The following CATSPERD variants were observed in gnomAD, a reference collection of about 807,000 sequenced individuals.
The protein encoded by CATSPERD is catsper channel auxiliary subunit delta.
In CATSPERD, 86 loss-of-function variants were observed where a neutral mutation model predicts 98.1. The ratio of observed to expected loss-of-function variants is 0.88; its 90% CI spans 0.74 to 1.05. The LOEUF is 1.05. Ranked by LOEUF, CATSPERD falls within the 50% of genes least tolerant of loss-of-function variation. The pLI is 0.00. For missense variants in CATSPERD, 995 were observed against 1,005.7 expected (o/e 0.99, Z 0.14); for synonymous variants, 394 against 390.2 (o/e 1.01, Z -0.12).
chr19:5,724,660 C>A lies in CATSPERD; in HGVS notation c.72-148C>A, dbSNP rs2055569196. ...GTTGCAGTGAGCCAAGATCTTGCCA[C>A]TGCACTCCAGCCTGGGCGACAGAGT... is the stretch of plus-strand genomic sequence containing the variant. On this transcript the variant is annotated intron_variant, in intron 1 of 21. Coordinates refer to ENST00000381624, the MANE Select transcript of CATSPERD (RefSeq NM_152784.4). The A allele has an allele frequency of 4.1e-6, 3 of 727,566 alleles. No individual in the cohort carries two copies. The East Asian group carries it at 8.3e-5, about 20-fold the overall frequency. The allele number at this position is 727,566 out of a possible 1,614,324, so 45.1% of individuals were successfully genotyped here. A position where few individuals can be genotyped will look rare whatever the true frequency, so the allele number is the denominator to read the frequency against.
At chr19:5,724,940 T>C (rs1599502730) in intron 2 of CATSPERD, 78 bp downstream of exon 2, 1 of 1,350,298 alleles carries the variant, frequency 7.4e-7, no homozygotes, top group East Asian at 2.3e-5. Context: ...CTGGTATTTC[T>C]TGGGTGCCCG....
At chr19:5,752,582 G>A (rs193199921) in intron 12 of CATSPERD, among the ~76,000 whole-genome samples, 358 of 152,200 alleles carry the variant, frequency 2.4e-3, no homozygotes, top group African/African-American at 8.4e-3. Context: ...CTGCCAACAC[G>A]ATCAAACTCA....
At chr19:5,721,424 C>T (rs2055473148) in intron 1 of CATSPERD, among the ~76,000 whole-genome samples, 1 of 152,120 alleles carries the variant, frequency 6.6e-6, no homozygotes, top group South Asian at 2.1e-4. Context: ...GGATTGCAGG[C>T]GTGAGCCACC....
At chr19:5,745,585 CA>C (rs2056078152) in intron 8 of CATSPERD, among the ~76,000 whole-genome samples, 1 of 152,072 alleles carries the variant, frequency 6.6e-6, no homozygotes. Context: ...CGTGCCACTG[CA>C]CTCCAGCCTG....
At chr19:5,720,892 C>G (rs1260268821) in intron 1 of CATSPERD, 84 bp downstream of exon 1, 5 of 1,112,258 alleles carry the variant, frequency 4.5e-6, no homozygotes, top group Non-Finnish European at 6.4e-6. Flanking sequence ...GGCCTGCTCC[C>G]CAACCTCACT....
At chr19:5,773,455 G>A (rs1354435813) in intron 20 of CATSPERD, among the ~76,000 whole-genome samples, 1 of 152,122 alleles carries the variant, frequency 6.6e-6, no homozygotes, top group Non-Finnish European at 1.5e-5. Context: ...GAAATGCCTG[G>A]GACCATCCCA....
In CATSPERD at chr19:5,739,337, T is replaced by C; in HGVS notation, c.471T>C (p.Asn157=). The change falls in exon 7 of 22, where the codon AAT becomes AAC. Residue 157 remains asparagine, a synonymous_variant. Transcript: ENST00000381624. ...TTTTTTTTTTATAGCATGTCAGTAA[T>C]TTGGTTTTTGCATATTTCCGTGGAG... is the stretch of plus-strand genomic sequence containing the variant. ...TGSLFCVHVS[N]LVFAYFRGDQ... The C allele has an allele frequency of 6.5e-7, 1 of 1,536,936 alleles. No homozygotes were observed. Among genetic ancestry groups the C allele is most frequent in the Non-Finnish European group, 8.9e-7 (1 of 1,121,424 alleles).
chr19:5,770,411 C>T (rs1173816711), intron 18 of CATSPERD, among the ~76,000 whole-genome samples: 1 of 110,152 alleles, frequency 9.1e-6, no homozygotes, highest in Non-Finnish European at 1.9e-5. Flanking sequence ...GCCTGGGCAA[C>T]AAGAATGAAA....
chr19:5,737,147 A>G lies in CATSPERD; in HGVS notation c.401A>G (p.His134Arg), dbSNP rs1320508119. The change falls in exon 6 of 22, where the codon CAC (histidine) becomes CGC (arginine). Residue 134 changes from histidine to arginine, a missense_variant. Physicochemically the swap from His to Arg is conservative, Grantham distance 29. Coordinates refer to ENST00000381624, the MANE Select transcript of CATSPERD (RefSeq NM_152784.4). ...NSWSMSLGIK[H>R]PVTHVSGDNC... ...TATATTTTCCTTTCAGGTATAAAAC[A>G]CCCTGTTACACATGTCTCTGGTGAT... 1 of 1,604,442 alleles carries G rather than the reference A, an allele frequency of 6.2e-7. No homozygotes were observed. Among genetic ancestry groups the G allele is most frequent in the South Asian group, 1.1e-5 (1 of 90,814 alleles).
intron 13 of CATSPERD, among the ~76,000 whole-genome samples, chr19:5,756,935 T>C (rs2087610449): frequency 6.7e-6 from 1 of 149,728 alleles, no homozygotes; most frequent in African/African-American, 2.5e-5. Context: ...AGAGCAAGAC[T>C]CTGCCTCCAA....
At chr19:5,720,834 T>C in intron 1 of CATSPERD, 26 bp downstream of exon 1, 1 of 1,585,808 alleles carries the variant, frequency 6.3e-7, no homozygotes, top group East Asian at 2.2e-5. Flanking sequence ...CTCCTGGGGC[T>C]GGGGTGCTGC....
At chr19:5,748,763 A>C (rs1028766560) in intron 10 of CATSPERD, among the ~76,000 whole-genome samples, 1 of 100,662 alleles carries the variant, frequency 9.9e-6, no homozygotes, top group Non-Finnish European at 1.9e-5. Context: ...TGGAGTTTCA[A>C]TCTTGTTACC....
Position 5,734,800 on chromosome 19 carries a change from TA to T in CATSPERD, c.391+845del, listed in dbSNP as rs762370098. On this transcript the variant is annotated intron_variant, in intron 5 of 21. Coordinates refer to ENST00000381624, the MANE Select transcript of CATSPERD (RefSeq NM_152784.4). ...CTGGATGACAGAGTGAGACTCTGTC[TA>T]AAAAAAAAAAAAAATCGAGGGACAT... Among the ~76,000 whole-genome samples the T allele has an allele frequency of 8.6e-3, 1,154 of 134,546 alleles. 8 individuals carry two copies. Among genetic ancestry groups the T allele is most frequent in the African/African-American group, 0.019 (713 of 36,660 alleles). 88.3% of individuals were successfully genotyped at this position (134,546 alleles called of 152,430 possible).
intron 6 of CATSPERD, among the ~76,000 whole-genome samples, chr19:5,737,580 T>G (rs906320464): frequency 2.3e-5 from 3 of 132,840 alleles, no homozygotes; most frequent in Non-Finnish European, 4.7e-5. Flanking sequence ...CTGGGCATGG[T>G]GGCTCATGCC....
rs1224705837 is a variant in CATSPERD at position 5,768,341 on chromosome 19, T to A, written c.1634+99T>A. 3 of 741,406 alleles carry A rather than the reference T, an allele frequency of 4.0e-6. No individual in the cohort carries two copies. The African/African-American group carries it at 5.7e-5, about 14-fold the overall frequency. 45.9% of individuals were successfully genotyped at this position (741,406 alleles called of 1,614,324 possible). A position where few individuals can be genotyped will look rare whatever the true frequency, so the allele number is the denominator to read the frequency against. ...GGAATTTTATTTATTTATTTATTTA[T>A]TTATTATTATTATTGAGATGGAGTC... is the stretch of plus-strand genomic sequence containing the variant. On this transcript the variant is annotated intron_variant, in intron 18 of 21. Coordinates refer to ENST00000381624, the MANE Select transcript of CATSPERD (RefSeq NM_152784.4).
chr19:5,777,976 A>T (rs1478301976), intron 21 of CATSPERD, among the ~76,000 whole-genome samples: 1 of 151,542 alleles, frequency 6.6e-6, no homozygotes, highest in Non-Finnish European at 1.5e-5. Context: ...TGGGAGGCAG[A>T]GGCGGGCGGA....
At chr19:5,748,949 C>G (rs573919562) in intron 10 of CATSPERD, 152 bp from the exon 11 acceptor site, 14 of 493,900 alleles carry the variant, frequency 2.8e-5, no homozygotes, top group South Asian at 2.1e-4. Flanking sequence ...AGGCTGGTCT[C>G]AAACTCCTGG....
intron 16 of CATSPERD, among the ~76,000 whole-genome samples, chr19:5,765,111 G>C (rs1181824749): frequency 1.3e-5 from 2 of 151,964 alleles, no homozygotes; most frequent in African/African-American, 4.8e-5. Context: ...GTGTCACTAT[G>C]TTGCCCAGAC....
intron 15 of CATSPERD, 86 bp downstream of exon 15, chr19:5,759,230 G>C: frequency 1.7e-6 from 2 of 1,205,484 alleles, no homozygotes. Context: ...TCTGAGATCA[G>C]ACCCCCAGCT....
Sources: gnomAD v4.1 joint callset for allele counts (sites outside exome capture counted in the v4.1 genomes callset) on GRCh38, gnomAD v4.1.1 for gene constraint, MANE v1.5 for transcripts, NCBI Gene and HGNC (gene_info 2026-07-23, HGNC 2026-07-21) for gene names.